ALK: variants seen among roughly 807,000 people sequenced by gnomAD.
ALK encodes the protein ALK tyrosine kinase receptor.
Under a neutral mutation model 163.1 loss-of-function variants are expected in ALK, and 74 were observed. That is an observed-to-expected ratio of 0.45 (90% CI 0.38 to 0.55). ALK has a LOEUF of 0.55. Among genes scored for constraint, ALK ranks in the 20% least tolerant of loss-of-function variants. The probability of loss-of-function intolerance (pLI) is 0.00; values close to 1 mark genes in which losing one functional copy is unlikely to be tolerated. For missense variants in ALK, 2,063 were observed against 2,105.3 expected (o/e 0.98, Z 0.39); for synonymous variants, 960 against 843.2 (o/e 1.14, Z -2.40).
chr2:29,789,050 T>TGTGTGTGTGTGTGTGC (rs1664120931), intron 1 of ALK, among the ~76,000 whole-genome samples: 1 of 151,602 alleles, frequency 6.6e-6, no homozygotes, highest in Non-Finnish European at 1.5e-5. Flanking sequence ...TGTGTGTGTG[T>TGTGTGTGTGTGTGTGC]GTGTGTCTGT....
intron 4 of ALK, among the ~76,000 whole-genome samples, chr2:29,506,547 C>A (rs952215423): frequency 2.0e-5 from 3 of 152,072 alleles, no homozygotes; most frequent in South Asian, 2.1e-4. Context: ...GAGATTGAGA[C>A]CATCCTGGCC....
chr2:29,662,631 C>T (rs1677384422), intron 3 of ALK, among the ~76,000 whole-genome samples: 2 of 152,168 alleles, frequency 1.3e-5, no homozygotes, highest in Non-Finnish European at 2.9e-5. Context: ...ATGCCAGCTC[C>T]TGCAGTTACA....
At chr2:29,912,877 G>T (rs1387141504) in intron 1 of ALK, among the ~76,000 whole-genome samples, 2 of 152,012 alleles carry the variant, frequency 1.3e-5, no homozygotes, top group East Asian at 3.9e-4. Context: ...TCCTTTCCAT[G>T]CTCACCCTCA....
intron 3 of ALK, among the ~76,000 whole-genome samples, chr2:29,635,967 A>T (rs1052513060): frequency 2.6e-5 from 4 of 152,134 alleles, no homozygotes; most frequent in Admixed American, 6.6e-5. Context: ...GCTTGTGGTC[A>T]TTTGTTACAG....
chr2:29,913,915 AG>A (rs1667768621), intron 1 of ALK, among the ~76,000 whole-genome samples: 1 of 152,192 alleles, frequency 6.6e-6, no homozygotes, highest in Non-Finnish European at 1.5e-5. Flanking sequence ...TTAAAATAAA[AG>A]AGTTACCAGA....
chr2:29,858,454 C>A (rs113089617), intron 1 of ALK, among the ~76,000 whole-genome samples: 1 of 151,780 alleles, frequency 6.6e-6, no homozygotes, highest in African/African-American at 2.4e-5. Flanking sequence ...GGTCTGAGGC[C>A]GGGTGCGGTG....
intron 4 of ALK, among the ~76,000 whole-genome samples, chr2:29,450,473 T>G (rs938655787): frequency 6.6e-6 from 1 of 152,008 alleles, no homozygotes; most frequent in Admixed American, 6.5e-5. Flanking sequence ...CCCTCAGAGT[T>G]TTTGGTTGTG....
intron 3 of ALK, among the ~76,000 whole-genome samples, chr2:29,532,549 AACTCAAT>A (rs1228518927): frequency 6.6e-6 from 1 of 152,212 alleles, no homozygotes; most frequent in Middle Eastern, 3.2e-3. Flanking sequence ...GGGTTGGCTG[AACTCAAT>A]AATCTCTTAA....
At chr2:29,872,171 T>G (rs888663665) in intron 1 of ALK, among the ~76,000 whole-genome samples, 9 of 152,344 alleles carry the variant, frequency 5.9e-5, no homozygotes, top group Non-Finnish European at 8.8e-5. Context: ...GACAGGGAGT[T>G]GACTGAACTG....
chr2:29,451,622 G>C (rs1670822716), intron 4 of ALK, among the ~76,000 whole-genome samples: 1 of 152,124 alleles, frequency 6.6e-6, no homozygotes, highest in African/African-American at 2.4e-5. Flanking sequence ...TTTAACCCCT[G>C]CTTCTCCAGG....
At chr2:29,775,717 A>G (rs1460849352) in intron 1 of ALK, among the ~76,000 whole-genome samples, 1 of 152,196 alleles carries the variant, frequency 6.6e-6, no homozygotes, top group African/African-American at 2.4e-5. Context: ...TTAATCTGTA[A>G]AATGGGGATA....
chr2:29,658,843 T>C (rs1484389344), intron 3 of ALK, among the ~76,000 whole-genome samples: 1 of 152,198 alleles, frequency 6.6e-6, no homozygotes, highest in Admixed American at 6.5e-5. Context: ...GCTCATAAAC[T>C]ACACTGAAGC....
rs1558542292 is a variant in ALK at position 29,905,612 on chromosome 2, G to GA, written c.667+14380dup. ...GAAAGAAGGAAGGAAAGAAGGAAGG[G>GA]AGGAAGGAAGGAAGGAAGGGAGGGA... On this transcript the variant is annotated intron_variant, in intron 1 of 28. Transcript: ENST00000389048. 4.6e-5 allele frequency among the ~76,000 whole-genome samples: 7 copies of GA among 150,870 alleles called. 1 individual carries two copies. The highest frequency in any genetic ancestry group is 2.0e-4 in the East Asian group (1 of 5,114).
chr2:29,574,927 T>C (rs764541613), intron 3 of ALK, among the ~76,000 whole-genome samples: 1 of 152,114 alleles, frequency 6.6e-6, no homozygotes, highest in Admixed American at 6.5e-5. Flanking sequence ...GAAAAACACA[T>C]GTGAAACCAG....
intron 3 of ALK, among the ~76,000 whole-genome samples, chr2:29,673,121 G>A (rs1677757164): frequency 6.9e-6 from 1 of 144,286 alleles, no homozygotes; most frequent in African/African-American, 2.8e-5. Context: ...CTCCCATTTT[G>A]TAGGTTGCCT....
rs1281050927 is a variant in ALK at position 29,196,846 on chromosome 2, G to A, written c.4088C>T (p.Thr1363Ile). ...TTCAGGCTGATGTTGCCAGCACTGA[G>A]TCATTATCCGGTATCTAAAAGAAGA... ...NCPGPVYRIM[T>I]QCWQHQPEDR... The change falls in exon 28 of 29, where the codon ACT becomes ATT. Residue 1363 changes from threonine (T) to isoleucine (I), a missense_variant. This residue lies in a region of ALK where 403 missense variants were observed against 366.2 expected (regional missense o/e 1.10). Transcript: ENST00000389048. The A allele has an allele frequency of 1.2e-6, 2 of 1,613,316 alleles. No homozygotes were observed. The highest frequency in any genetic ancestry group is 2.7e-5 in the African/African-American group (2 of 75,024).
chr2:29,305,883 C>T (rs2148238353), intron 8 of ALK, among the ~76,000 whole-genome samples: 1 of 152,218 alleles, frequency 6.6e-6, no homozygotes, highest in African/African-American at 2.4e-5. Flanking sequence ...TTATACAACT[C>T]ACCATAATGT....
chr2:29,680,733 G>A (rs896122092), intron 3 of ALK, among the ~76,000 whole-genome samples: 1 of 151,950 alleles, frequency 6.6e-6, no homozygotes, highest in Non-Finnish European at 1.5e-5. Flanking sequence ...GTTTTCTTAT[G>A]AGTCACATTG....
intron 1 of ALK, among the ~76,000 whole-genome samples, chr2:29,892,719 C>A (rs1667176198): frequency 6.6e-6 from 1 of 152,176 alleles, no homozygotes; most frequent in Non-Finnish European, 1.5e-5. Context: ...CCCAGACTGT[C>A]CCCACACTCC....
Sources: gnomAD v4.1 joint callset for allele counts (sites outside exome capture counted in the v4.1 genomes callset) on GRCh38, gnomAD v4.1.1 for gene constraint, gnomAD v4.1.1 regional missense constraint, MANE v1.5 for transcripts, NCBI Gene and HGNC (gene_info 2026-07-23, HGNC 2026-07-21) for gene names.